The following EDNRA variants were observed in gnomAD, a reference collection of about 807,000 sequenced individuals.
The protein encoded by EDNRA is endothelin receptor type A, also known as endothelin-1 receptor.
Under a neutral mutation model 41.4 loss-of-function variants are expected in EDNRA, and 11 were observed. That is an observed-to-expected ratio of 0.27 (90% CI 0.17 to 0.44). The LOEUF is 0.44. Among genes scored for constraint, EDNRA ranks in the 20% least tolerant of loss-of-function variants. EDNRA has a pLI of 1.00. For missense variants in EDNRA, 294 were observed against 531.0 expected, an observed-to-expected ratio of 0.55 and a Z score of 4.39; for synonymous variants, 172 against 183.0, an observed-to-expected ratio of 0.94 and a Z score of 0.49.
chr4:147,517,728 T>C (rs774300266), intron 2 of EDNRA, among the ~76,000 whole-genome samples: 2 of 152,286 alleles, frequency 1.3e-5, no homozygotes, highest in Admixed American at 1.3e-4. Flanking sequence ...AATTCCATGA[T>C]CTTTTTTGCT....
chr4:147,513,558 G>C (rs1307638759), intron 2 of EDNRA, among the ~76,000 whole-genome samples: 1 of 152,206 alleles, frequency 6.6e-6, no homozygotes, highest in Non-Finnish European at 1.5e-5. Flanking sequence ...GCTGTTGGAA[G>C]ATGTTTTTGT....
chr4:147,496,498 C>T (rs1178299561), intron 2 of EDNRA, among the ~76,000 whole-genome samples: 4 of 152,216 alleles, frequency 2.6e-5, no homozygotes, highest in Non-Finnish European at 4.4e-5. Context: ...TGTGCCTAAG[C>T]ATTGGCTCTG....
chr4:147,521,264 T>A (rs1730314712), intron 3 of EDNRA, among the ~76,000 whole-genome samples: 1 of 152,092 alleles, frequency 6.6e-6, no homozygotes, highest in South Asian at 2.1e-4. Context: ...AAAAAATAAT[T>A]TCATTAGTAA....
chr4:147,511,499 T>A (rs1729922541), intron 2 of EDNRA, among the ~76,000 whole-genome samples: 2 of 152,176 alleles, frequency 1.3e-5, no homozygotes, highest in South Asian at 4.1e-4. Flanking sequence ...CCATCTACAC[T>A]CAGGATAATT....
intron 5 of EDNRA, 79 bp from the exon 6 acceptor site, chr4:147,539,738 A>T (rs1369978255): frequency 6.8e-7 from 1 of 1,474,516 alleles, no homozygotes; most frequent in African/African-American, 1.4e-5. Flanking sequence ...GGTGTCTGCT[A>T]CTTCTTGGTA....
intron 2 of EDNRA, chr4:147,495,916 A>T (rs1729285808): frequency 6.6e-6 from 1 of 152,248 alleles, no homozygotes; most frequent in Admixed American, 6.5e-5. Flanking sequence ...GATCATTAAA[A>T]AGATGCCAGC....
chr4:147,542,633 A>C lies in EDNRA; in HGVS notation c.*15A>C, dbSNP rs1014428542. 2 of 1,612,000 alleles carry C rather than the reference A, an allele frequency of 1.2e-6. No individual in the cohort carries two copies. Among genetic ancestry groups the C allele is most frequent in the Admixed American group, 1.7e-5 (1 of 59,794 alleles). On this transcript the variant is annotated 3_prime_UTR_variant, in exon 8 of 8. Transcript: ENST00000651419. ...GCATGAACTGACCACCCTTAGAAGCACTCCTCGGTACTCCCATAATCCTCT... is the reference window on the plus strand; with the variant it reads ...GCATGAACTGACCACCCTTAGAAGCCCTCCTCGGTACTCCCATAATCCTCT...
At chr4:147,517,449 GAGGAAA>G (rs768212854) in intron 2 of EDNRA, among the ~76,000 whole-genome samples, 3 of 152,188 alleles carry the variant, frequency 2.0e-5, no homozygotes, top group Non-Finnish European at 2.9e-5. Context: ...TGGAACCAGA[GAGGAAA>G]AGGAAAAGAG....
At chr4:147,498,558 G>A (rs562864117) in intron 2 of EDNRA, among the ~76,000 whole-genome samples, 1 of 108,860 alleles carries the variant, frequency 9.2e-6, no homozygotes, top group South Asian at 2.7e-4. Flanking sequence ...TTCTATGGCA[G>A]CTTTTGAGTA....
chr4:147,534,463 T>G (rs1270222055), intron 4 of EDNRA, among the ~76,000 whole-genome samples: 1 of 152,244 alleles, frequency 6.6e-6, no homozygotes, highest in African/African-American at 2.4e-5. Context: ...AGAAACAACA[T>G]GTTTATTTTC....
At chr4:147,505,870 A>C (rs1363862467) in intron 2 of EDNRA, among the ~76,000 whole-genome samples, 1 of 151,844 alleles carries the variant, frequency 6.6e-6, no homozygotes, top group Non-Finnish European at 1.5e-5. Flanking sequence ...GGATGGTCTC[A>C]ATCTCCTGAC....
At chr4:147,532,746 G>C in intron 4 of EDNRA, 42 bp downstream of exon 4, 4 of 1,579,534 alleles carry the variant, frequency 2.5e-6, no homozygotes, top group Non-Finnish European at 3.5e-6. Context: ...AAGGGAGGAG[G>C]TCCTCCGTTA....
At chr4:147,538,545 A>G (rs543681740) in intron 5 of EDNRA, among the ~76,000 whole-genome samples, 1 of 152,334 alleles carries the variant, frequency 6.6e-6, no homozygotes, top group African/African-American at 2.4e-5. Flanking sequence ...GCACTCAGGA[A>G]AGGTAACCTC....
At chr4:147,485,457 T>C (rs1194506210) in intron 1 of EDNRA, among the ~76,000 whole-genome samples, 155 bp from the exon 2 acceptor site, 1 of 152,250 alleles carries the variant, frequency 6.6e-6, no homozygotes, top group East Asian at 1.9e-4. Context: ...AGTTTTTTTC[T>C]GGTTTTGCTC....
At chr4:147,532,357 T>G in intron 3 of EDNRA, 149 bp from the exon 4 acceptor site, 1 of 564,218 alleles carries the variant, frequency 1.8e-6, no homozygotes, top group Non-Finnish European at 3.1e-6. Flanking sequence ...AAAACCCACT[T>G]GGTTTTCATA....
At chr4:147,537,783 A>T (rs1049689192) in intron 5 of EDNRA, among the ~76,000 whole-genome samples, 19 of 110,716 alleles carry the variant, frequency 1.7e-4, no homozygotes, top group African/African-American at 8.3e-4. Flanking sequence ...AACCAAATGG[A>T]GATTAGAACC....
intron 2 of EDNRA, among the ~76,000 whole-genome samples, chr4:147,513,588 G>C (rs1488093752): frequency 6.6e-6 from 1 of 152,104 alleles, no homozygotes; most frequent in Non-Finnish European, 1.5e-5. Context: ...AGTCAACTAT[G>C]TACCAACTTT....
chr4:147,500,969 G>T (rs73853913), intron 2 of EDNRA, among the ~76,000 whole-genome samples: 4,579 of 152,280 alleles, frequency 0.03, 199 homozygotes, highest in African/African-American at 0.1. Context: ...CACTCATTTG[G>T]ATTGGCCCTC....
At chr4:147,494,278 A>T (rs183385397) in intron 2 of EDNRA, 128 of 152,372 alleles carry the variant, frequency 8.4e-4, no homozygotes, top group African/African-American at 2.7e-3. Context: ...CTGGTAGAAG[A>T]GCAAGACAAA....
Sources: allele counts gnomAD v4.1 joint callset (sites outside exome capture counted in the v4.1 genomes callset), GRCh38; gene constraint gnomAD v4.1.1; transcripts MANE v1.5; gene names NCBI Gene and HGNC (gene_info 2026-07-23, HGNC 2026-07-21).